LEKR1: variants seen among roughly 807,000 people sequenced by gnomAD.
LEKR1 encodes the protein protein LEKR1.
Under a neutral mutation model 72.4 loss-of-function variants are expected in LEKR1, and 59 were observed. That is an observed-to-expected ratio of 0.82 (90% CI 0.66 to 1.01). LEKR1 has a LOEUF of 1.01. LEKR1 is among the 50% of genes least tolerant of loss of function. The probability of loss-of-function intolerance (pLI) is 0.00; values close to 1 mark genes in which losing one functional copy is unlikely to be tolerated. For missense variants in LEKR1, 728 were observed against 759.2 expected (o/e 0.96, Z 0.48); for synonymous variants, 257 against 263.2 (o/e 0.98, Z 0.23).
intron 3 of LEKR1, among the ~76,000 whole-genome samples, chr3:156,896,784 G>A (rs865915380): frequency 1.6e-4 from 24 of 152,192 alleles, no homozygotes; most frequent in Middle Eastern, 3.4e-3. Context: ...CGGCAAAGAC[G>A]TGGAATCAAG....
intron 5 of LEKR1, among the ~76,000 whole-genome samples, chr3:156,941,522 G>T (rs1726203596): frequency 6.6e-6 from 1 of 152,016 alleles, no homozygotes; most frequent in Admixed American, 6.6e-5. Flanking sequence ...CCACATGGTT[G>T]CTGTTTCTGC....
Position 156,893,532 on chromosome 3 carries a change from T to C in LEKR1, c.264-27043T>C, listed in dbSNP as rs116108064. ...TTAGGTCATGGGGGTAGATCCCTCA[T>C]GACTGAGTTGATTCTGTCCTCACCA... On this transcript the variant is annotated intron_variant, in intron 3 of 12. Transcript: ENST00000356539. Among the ~76,000 whole-genome samples the C allele has an allele frequency of 9.2e-3, 1,401 of 152,134 alleles. 15 individuals are homozygous for C. The highest frequency in any genetic ancestry group is 0.033 in the African/African-American group (1,352 of 41,472).
intron 10 of LEKR1, among the ~76,000 whole-genome samples, chr3:157,014,675 T>C (rs754227896): frequency 5.9e-5 from 9 of 152,158 alleles, no homozygotes; most frequent in Non-Finnish European, 8.8e-5. Context: ...TTTTTAAAAA[T>C]GCAGTTTTAG....
chr3:156,919,641 A>G (rs545043830), intron 3 of LEKR1, among the ~76,000 whole-genome samples: 15 of 152,322 alleles, frequency 9.8e-5, no homozygotes, highest in Admixed American at 6.5e-4. Context: ...ATTTCTGTAC[A>G]TTTATATTAG....
intron 7 of LEKR1, among the ~76,000 whole-genome samples, chr3:156,985,947 T>A (rs551474368): frequency 1.3e-5 from 2 of 150,240 alleles, no homozygotes; most frequent in South Asian, 4.3e-4. Context: ...AGCAAGAGGG[T>A]CAAAGTCACA....
At chr3:156,909,435 A>G (rs1167863516) in intron 3 of LEKR1, among the ~76,000 whole-genome samples, 1 of 152,140 alleles carries the variant, frequency 6.6e-6, no homozygotes, top group Admixed American at 6.5e-5. Context: ...GCTGATCACG[A>G]GGTCAGGAGA....
chr3:156,900,497 G>A (rs763945981), intron 3 of LEKR1, among the ~76,000 whole-genome samples: 1 of 151,942 alleles, frequency 6.6e-6, no homozygotes, highest in Non-Finnish European at 1.5e-5. Flanking sequence ...TGTGAATCTC[G>A]TAACTATCCA....
At chr3:157,033,314 GT>G (rs1436696898) in intron 12 of LEKR1, among the ~76,000 whole-genome samples, 1 of 152,192 alleles carries the variant, frequency 6.6e-6, no homozygotes, top group Admixed American at 6.6e-5. Flanking sequence ...TAAGCCTCTT[GT>G]TCCAGTTAGC....
chr3:156,839,948 C>T (rs192157141), intron 2 of LEKR1, among the ~76,000 whole-genome samples: 1 of 152,246 alleles, frequency 6.6e-6, no homozygotes, highest in East Asian at 1.9e-4. Context: ...TTTGCCTCCC[C>T]TTCCACTTTC....
At chr3:156,982,559 CA>C (rs1480175835) in intron 7 of LEKR1, among the ~76,000 whole-genome samples, 1 of 152,072 alleles carries the variant, frequency 6.6e-6, no homozygotes, top group Non-Finnish European at 1.5e-5. Flanking sequence ...ATCCTTAGAA[CA>C]AATAATAATT....
At chr3:156,923,256 T>C (rs936090153) in intron 4 of LEKR1, among the ~76,000 whole-genome samples, 2 of 152,202 alleles carry the variant, frequency 1.3e-5, no homozygotes, top group African/African-American at 2.4e-5. Context: ...AGCTATTAGA[T>C]TGGCAACCAC....
In LEKR1 at chr3:157,021,595, T is replaced by C. The variant is rs573269486; in HGVS notation, c.1204-3165T>C. On this transcript the variant is annotated intron_variant, in intron 10 of 12. Coordinates refer to ENST00000356539, the MANE Select transcript of LEKR1 (RefSeq NM_001004316.3). ...CTAATTTTTGTCTTGTTCCACCAAG[T>C]TTGCATATATTCTCACTGTCTTAAT... Among the ~76,000 whole-genome samples the C allele has an allele frequency of 5.9e-5, 9 of 152,298 alleles. No homozygotes were observed. In the East Asian group the frequency reaches 1.7e-3, roughly 29 times the overall value.
At chr3:157,032,828 A>G (rs1470615764) in intron 12 of LEKR1, among the ~76,000 whole-genome samples, 1 of 152,080 alleles carries the variant, frequency 6.6e-6, no homozygotes, top group Non-Finnish European at 1.5e-5. Context: ...TTTCCCCACA[A>G]ATTGAAGGTT....
At chr3:156,967,188 C>A (rs1231876668) in intron 6 of LEKR1, among the ~76,000 whole-genome samples, 8 of 152,076 alleles carry the variant, frequency 5.3e-5, no homozygotes, top group African/African-American at 1.9e-4. Context: ...AAAAACAGAG[C>A]AGAAAAACTG....
At chr3:156,885,464 C>A (rs529540483) in intron 3 of LEKR1, among the ~76,000 whole-genome samples, 1 of 152,316 alleles carries the variant, frequency 6.6e-6, no homozygotes, top group Admixed American at 6.5e-5. Flanking sequence ...ATCCTCCTGT[C>A]CCATGGGATG....
At chr3:157,030,533 G>C (rs1351440543) in intron 12 of LEKR1, among the ~76,000 whole-genome samples, 1 of 152,166 alleles carries the variant, frequency 6.6e-6, no homozygotes, top group African/African-American at 2.4e-5. Context: ...CATAAAAAAA[G>C]CATAGACTGA....
At chr3:156,929,603 A>T (rs1725022822) in intron 5 of LEKR1, among the ~76,000 whole-genome samples, 1 of 152,040 alleles carries the variant, frequency 6.6e-6, no homozygotes, top group Non-Finnish European at 1.5e-5. Context: ...GATTCACGGG[A>T]TTATGTTTAA....
intron 3 of LEKR1, among the ~76,000 whole-genome samples, chr3:156,917,024 G>A (rs1283179228): frequency 6.6e-6 from 1 of 151,982 alleles, no homozygotes; most frequent in African/African-American, 2.4e-5. Context: ...GCAAACTGAA[G>A]AAAACTTCAA....
intron 3 of LEKR1, among the ~76,000 whole-genome samples, chr3:156,893,217 A>G (rs953478000): frequency 1.2e-4 from 18 of 152,182 alleles, no homozygotes; most frequent in Admixed American, 1.2e-3. Flanking sequence ...ATTTTTATTC[A>G]TGATTCTTGA....
Sources: gnomAD v4.1 joint callset for allele counts (sites outside exome capture counted in the v4.1 genomes callset) on GRCh38, gnomAD v4.1.1 for gene constraint, MANE v1.5 for transcripts, NCBI Gene and HGNC (gene_info 2026-07-23, HGNC 2026-07-21) for gene names.